FAM76A: variants seen among roughly 807,000 people sequenced by gnomAD.
FAM76A encodes protein FAM76A.
Under a neutral mutation model 46.2 loss-of-function variants are expected in FAM76A, and 32 were observed. That is an observed-to-expected ratio of 0.69 (90% confidence interval 0.52 to 0.93). The LOEUF (loss-of-function observed/expected upper bound fraction) is 0.93. Ranked by LOEUF, FAM76A falls within the 40% of genes least tolerant of loss-of-function variation. FAM76A has a pLI of 0.00. For missense variants in FAM76A, 274 were observed against 361.5 expected (o/e 0.76, Z 1.96); for synonymous variants, 137 against 127.0 (o/e 1.08, Z -0.53).
chr1:27,745,644 A>C (rs960857183), intron 5 of FAM76A, among the ~76,000 whole-genome samples: 5 of 152,214 alleles, frequency 3.3e-5, no homozygotes, highest in African/African-American at 1.2e-4. Context: ...CGGGTACCAC[A>C]GTGGAAACGT....
At chr1:27,736,411 C>T (rs1046380971) in intron 4 of FAM76A, among the ~76,000 whole-genome samples, 3 of 152,114 alleles carry the variant, frequency 2.0e-5, no homozygotes, top group African/African-American at 7.2e-5. Flanking sequence ...TGACTTTGGG[C>T]ATGTTAATCT....
chr1:27,741,557 A>T lies in FAM76A; in HGVS notation c.355-3097A>T, dbSNP rs188278829. Among the ~76,000 whole-genome samples the T allele has an allele frequency of 4.7e-4, 72 of 152,122 alleles. 1 individual carries two copies. In the South Asian group the frequency reaches 8.7e-3, roughly 18 times the overall value. On this transcript the variant is annotated intron_variant, in intron 4 of 8. Coordinates refer to ENST00000373954, the MANE Select transcript of FAM76A (RefSeq NM_152660.3). ...GGCATATTAGCTACACTATAAAAAA[A>T]ATTTTTTTTCCATTTTACAGTAGAG... is the stretch of plus-strand genomic sequence containing the variant.
intron 4 of FAM76A, among the ~76,000 whole-genome samples, chr1:27,735,179 T>C (rs570725303): frequency 6.6e-6 from 1 of 152,226 alleles, no homozygotes; most frequent in Non-Finnish European, 1.5e-5. Flanking sequence ...CATCCTTCTC[T>C]AGAGTCTCAT....
chr1:27,730,018 A>G (rs534357859), intron 2 of FAM76A, among the ~76,000 whole-genome samples: 55 of 152,236 alleles, frequency 3.6e-4, no homozygotes, highest in South Asian at 4.1e-4. Context: ...GTGGAATCAT[A>G]CTCTAGAAGC....
At chr1:27,726,766 T>A (rs1005898163) in intron 1 of FAM76A, among the ~76,000 whole-genome samples, 2 of 152,156 alleles carry the variant, frequency 1.3e-5, no homozygotes, top group Non-Finnish European at 2.9e-5. Flanking sequence ...TTGGTGGTCT[T>A]CGGTCTTCCC....
rs375940293 is a variant in FAM76A at position 27,744,790 on chromosome 1, G to A, written c.491G>A (p.Ser164Asn). 7 of 1,614,034 alleles carry A rather than the reference G, an allele frequency of 4.3e-6. No individual in the cohort carries two copies. The highest frequency in any genetic ancestry group is 5.9e-6 in the Non-Finnish European group (7 of 1,180,016). The stretch of plus-strand genomic sequence containing the variant: ...GAGAAGGAGCAGTATAGTCGCCTGA[G>A]TGGTGGTGGCCATTATAACAGGTAA... ...HQEKEQYSRLSGGGHYNSQKT... is the reference protein window; with the variant it reads ...HQEKEQYSRLNGGGHYNSQKT... The change falls in exon 5 of 9, where the codon AGT becomes AAT. Residue 164 changes from serine (S) to asparagine (N), a missense_variant. Transcript: ENST00000373954.
At chr1:27,739,409 C>A in intron 4 of FAM76A, 1 of 512,554 alleles carries the variant, frequency 2.0e-6, no homozygotes, top group Non-Finnish European at 3.9e-6. Context: ...TTCAGGCCAA[C>A]CTCGTGGAAA....
At chr1:27,758,542 C>T (rs1256280385) in intron 7 of FAM76A, among the ~76,000 whole-genome samples, 1 of 152,048 alleles carries the variant, frequency 6.6e-6, no homozygotes, top group Non-Finnish European at 1.5e-5. Flanking sequence ...TGCTCTGTTG[C>T]CCAGGCTGTT....
rs2088528977 is a variant in FAM76A, at chr1:27,762,810, A to T, written c.*2229A>T. On this transcript the variant is annotated 3_prime_UTR_variant, in exon 9 of 9. Coordinates refer to ENST00000373954, the MANE Select transcript of FAM76A (RefSeq NM_152660.3). ...CTGAAATTCTGTTACATGATGTATG[A>T]CAATATAAAAACATACTTAGTTTTA... 1 of 152,204 alleles carries T rather than the reference A, an allele frequency of 6.6e-6. No individual in the cohort carries two copies. The allele number at this position is 152,204 out of a possible 1,614,324, so 9.4% of individuals were successfully genotyped here. A position where few individuals can be genotyped will look rare whatever the true frequency, so the allele number is the denominator to read the frequency against.
chr1:27,757,887 G>GA (rs1490324036), intron 7 of FAM76A, among the ~76,000 whole-genome samples: 1 of 151,814 alleles, frequency 6.6e-6, no homozygotes, highest in Non-Finnish European at 1.5e-5. Context: ...TGAGGCAGGA[G>GA]AATGGCGTGA....
At chr1:27,743,426 T>C (rs1474437037) in intron 4 of FAM76A, among the ~76,000 whole-genome samples, 2 of 152,156 alleles carry the variant, frequency 1.3e-5, no homozygotes, top group South Asian at 2.1e-4. Flanking sequence ...AGTGTACATA[T>C]CTCAAAACAT....
intron 1 of FAM76A, 146 bp downstream of exon 1, chr1:27,726,307 GGCCGGCGGGGCACGTGCGGGA>G: frequency 1.5e-6 from 1 of 675,130 alleles, no homozygotes; most frequent in Non-Finnish European, 2.1e-6. Flanking sequence ...CCCCGCTGGG[GGCCGGCGGGGCACGTGCGGGA>G]GCCGGGACCC....
chr1:27,731,439 C>T (rs2087956162), intron 2 of FAM76A, among the ~76,000 whole-genome samples: 1 of 151,730 alleles, frequency 6.6e-6, no homozygotes, highest in African/African-American at 2.4e-5. Context: ...CTCCTGACCT[C>T]AGGTGATCTG....
chr1:27,746,706 G>A (rs1304848534), intron 5 of FAM76A, among the ~76,000 whole-genome samples: 1 of 152,122 alleles, frequency 6.6e-6, no homozygotes, highest in East Asian at 1.9e-4. Context: ...CATGCTCGGT[G>A]ACAGAGCGAG....
At chr1:27,727,757 A>C (rs1254957170) in intron 2 of FAM76A, among the ~76,000 whole-genome samples, 1 of 151,528 alleles carries the variant, frequency 6.6e-6, no homozygotes, top group Non-Finnish European at 1.5e-5. Context: ...AAGGGTATAT[A>C]ATACATGTAT....
intron 6 of FAM76A, among the ~76,000 whole-genome samples, chr1:27,754,440 G>A (rs1187255742): frequency 3.9e-5 from 6 of 152,170 alleles, no homozygotes; most frequent in Non-Finnish European, 8.8e-5. Context: ...TCTGCTAAAA[G>A]GACATGGAGT....
chr1:27,747,120 C>T (rs2088253460), intron 5 of FAM76A, among the ~76,000 whole-genome samples: 3 of 152,112 alleles, frequency 2.0e-5, no homozygotes, highest in Admixed American at 1.3e-4. Flanking sequence ...AGCAGTCCCA[C>T]CCCAGAATTT....
At chr1:27,752,914 C>T (rs960914157) in intron 6 of FAM76A, among the ~76,000 whole-genome samples, 3 of 152,036 alleles carry the variant, frequency 2.0e-5, no homozygotes, top group Non-Finnish European at 2.9e-5. Flanking sequence ...AATCCCAGCA[C>T]TTTGGGAGGC....
chr1:27,739,248 A>C, intron 4 of FAM76A: 1 of 508,326 alleles, frequency 2.0e-6, no homozygotes, highest in Non-Finnish European at 4.0e-6. Context: ...GAAGCATGTT[A>C]GTGAAGGATG....
Sources: gnomAD v4.1 joint callset for allele counts (sites outside exome capture counted in the v4.1 genomes callset) on GRCh38, gnomAD v4.1.1 for gene constraint, MANE v1.5 for transcripts, NCBI Gene and HGNC (gene_info 2026-07-23, HGNC 2026-07-21) for gene names.